Variants in OR51B5 observed in about 807,000 individuals in gnomAD.
OR51B5 encodes olfactory receptor family 51 subfamily B member 5.
For missense variants in OR51B5, 456 were observed against 374.6 expected (o/e 1.22, Z -1.79); for synonymous variants, 186 against 144.8 (o/e 1.28, Z -2.04).
chr11:5,352,984 C>T (rs1260043266), intron 1 of OR51B5, among the ~76,000 whole-genome samples: 3 of 150,758 alleles, frequency 2.0e-5, no homozygotes, highest in African/African-American at 7.3e-5. Context: ...CATTGCTCTC[C>T]ATATGGCTTG....
intron 1 of OR51B5, among the ~76,000 whole-genome samples, chr11:5,490,904 A>T (rs1226883201): frequency 6.6e-6 from 1 of 152,232 alleles, no homozygotes; most frequent in East Asian, 1.9e-4. Flanking sequence ...GTATTCAGCT[A>T]ATAATTTTTA....
chr11:5,376,417 G>A (rs1589961931), intron 1 of OR51B5, among the ~76,000 whole-genome samples: 1 of 152,002 alleles, frequency 6.6e-6, no homozygotes, highest in East Asian at 1.9e-4. Flanking sequence ...ATAAGCAAGA[G>A]CAAACACATT....
intron 1 of OR51B5, among the ~76,000 whole-genome samples, chr11:5,408,247 T>C (rs1850089790): frequency 6.6e-6 from 1 of 152,140 alleles, no homozygotes; most frequent in African/African-American, 2.4e-5. Context: ...CCTTTAATTT[T>C]ATCCCAATAA....
chr11:5,360,791 C>T (rs1213205231), intron 1 of OR51B5, among the ~76,000 whole-genome samples: 1 of 148,046 alleles, frequency 6.8e-6, no homozygotes, highest in African/African-American at 2.5e-5. Flanking sequence ...CACATATACA[C>T]CATGGAATAC....
intron 1 of OR51B5, among the ~76,000 whole-genome samples, chr11:5,492,326 C>T (rs1851593615): frequency 6.6e-6 from 1 of 152,128 alleles, no homozygotes. Flanking sequence ...TCTGAAGAAA[C>T]TCACCCTGTT....
chr11:5,462,804 C>T (rs921014126), intron 1 of OR51B5, among the ~76,000 whole-genome samples: 5 of 152,210 alleles, frequency 3.3e-5, no homozygotes, highest in African/African-American at 1.2e-4. Context: ...TACATTTGAA[C>T]ACAGGCAACC....
At chr11:5,459,121 T>C (rs1402991552) in intron 1 of OR51B5, among the ~76,000 whole-genome samples, 4 of 152,206 alleles carry the variant, frequency 2.6e-5, no homozygotes, top group Non-Finnish European at 5.9e-5. Flanking sequence ...TTTTGAGGTA[T>C]AATCCTTCAA....
At chr11:5,440,669 G>GTAGACAT (rs772558675) in intron 1 of OR51B5, 1 of 1,613,886 alleles carries the variant, frequency 6.2e-7, no homozygotes, top group South Asian at 1.1e-5. Context: ...GTACAAACAG[G>GTAGACAT]TAGACATTGG....
intron 1 of OR51B5, among the ~76,000 whole-genome samples, chr11:5,364,168 C>A (rs867900628): frequency 3.3e-5 from 5 of 152,242 alleles, no homozygotes; most frequent in South Asian, 2.1e-4. Context: ...AACAAGCGAC[C>A]ACCTAAGGGC....
chr11:5,431,068 G>C (rs60189221), intron 1 of OR51B5: 1 of 451,472 alleles, frequency 2.2e-6, no homozygotes, highest in East Asian at 7.0e-5. Context: ...GAGGCAGTAG[G>C]AGTGTGAGAG....
At chr11:5,441,412 T>G (rs1340456773) in intron 1 of OR51B5, 2 of 1,613,948 alleles carry the variant, frequency 1.2e-6, no homozygotes, top group East Asian at 2.2e-5. Flanking sequence ...ATGTAGAGGA[T>G]GCAGAAAATC....
chr11:5,352,650 A>G (rs1285877931), intron 1 of OR51B5, among the ~76,000 whole-genome samples: 2 of 152,146 alleles, frequency 1.3e-5, no homozygotes, highest in Non-Finnish European at 1.5e-5. Context: ...ATATATGTAC[A>G]ACACTAAGTA....
In OR51B5 at chr11:5,489,278, C is replaced by T. The variant is rs201785994; in HGVS notation, n.84+16291G>A. ...GAGCATATGGGCATTGCCCGACTGG[C>T]CTGTGCCAACATCACTGTCAATATT... On this transcript the variant is annotated intron_variant and non_coding_transcript_variant, in intron 1 of 4. Transcript: ENST00000415970. 27 of 1,613,968 alleles carry T rather than the reference C, an allele frequency of 1.7e-5. No homozygotes were observed. The East Asian group carries it at 4.9e-4, about 29-fold the overall frequency.
At chr11:5,421,925 G>GGGAA (rs1850344941) in intron 1 of OR51B5, among the ~76,000 whole-genome samples, 1 of 152,152 alleles carries the variant, frequency 6.6e-6, no homozygotes, top group Non-Finnish European at 1.5e-5. Flanking sequence ...GAATGGGAGT[G>GGGAA]GGAAAATGGG....
intron 1 of OR51B5, among the ~76,000 whole-genome samples, chr11:5,413,368 A>G (rs1344275639): frequency 2.0e-5 from 3 of 152,132 alleles, no homozygotes; most frequent in African/African-American, 7.2e-5. Context: ...AAACTCTAAA[A>G]AGCAGAGCAC....
intron 1 of OR51B5, among the ~76,000 whole-genome samples, chr11:5,492,585 C>A (rs1050154512): frequency 6.6e-6 from 1 of 152,116 alleles, no homozygotes; most frequent in African/African-American, 2.4e-5. Flanking sequence ...TCACCTGTTC[C>A]AAGGGAATTG....
rs1165220583 is a variant in OR51B5 at position 5,440,504 on chromosome 11, A to T, written n.84+65065T>A. The T allele has an allele frequency of 2.7e-6, 3 of 1,099,760 alleles. No individual in the cohort carries two copies. The East Asian group carries it at 7.1e-5, about 26-fold the overall frequency. The allele number at this position is 1,099,760 out of a possible 1,614,324, so 68.1% of individuals were successfully genotyped here. ...GGGTCCTCTTCATCCTTACTTTAGC[A>T]TTCCTTAAGTTGTTAACATGTCCCA... On this transcript the variant is annotated intron_variant and non_coding_transcript_variant, in intron 1 of 4. Transcript: ENST00000415970.
chr11:5,371,090 C>T (rs1037939075), intron 1 of OR51B5, among the ~76,000 whole-genome samples: 4 of 152,210 alleles, frequency 2.6e-5, no homozygotes, highest in Non-Finnish European at 4.4e-5. Flanking sequence ...ACCCTTCCTT[C>T]TGCTAGCCCT....
chr11:5,422,054 T>C, intron 1 of OR51B5: 1 of 645,338 alleles, frequency 1.5e-6, no homozygotes, highest in Non-Finnish European at 2.6e-6. Flanking sequence ...TATCACAATG[T>C]TCTTAAATCT....
Sources: allele counts gnomAD v4.1 joint callset (sites outside exome capture counted in the v4.1 genomes callset), GRCh38; gene constraint gnomAD v4.1.1; transcripts MANE v1.5; gene names NCBI Gene and HGNC (gene_info 2026-07-23, HGNC 2026-07-21).